Variants in TUT4 observed in about 807,000 individuals in gnomAD.
TUT4 encodes terminal uridylyltransferase 4.
A neutral mutation model predicts 192.2 loss-of-function variants in TUT4; 36 were observed. The observed-to-expected ratio is 0.19, with a 90% confidence interval of 0.14 to 0.25. The LOEUF (loss-of-function observed/expected upper bound fraction) is 0.25. Ranked by LOEUF, TUT4 falls within the 10% of genes least tolerant of loss-of-function variation. The pLI is 1.00. For synonymous variants in TUT4, 618 were observed against 666.0 expected (o/e 0.93, Z 1.11); for missense variants, 1,493 against 1,957.2 (o/e 0.76, Z 4.47).
At chr1:52,479,317 A>G (rs899325444) in intron 11 of TUT4, among the ~76,000 whole-genome samples, 4 of 152,160 alleles carry the variant, frequency 2.6e-5, no homozygotes, top group African/African-American at 4.8e-5. Flanking sequence ...GATCTGGCTT[A>G]AGTTTTAGAA....
chr1:52,504,220 T>C (rs1674906829), intron 4 of TUT4, among the ~76,000 whole-genome samples: 1 of 152,214 alleles, frequency 6.6e-6, no homozygotes, highest in Non-Finnish European at 1.5e-5. Context: ...CACTAACTAC[T>C]ACTTCAGGTC....
intron 1 of TUT4, among the ~76,000 whole-genome samples, chr1:52,536,972 T>A (rs1300573297): frequency 6.6e-6 from 1 of 152,110 alleles, no homozygotes; most frequent in East Asian, 1.9e-4. Context: ...GAGACCACCC[T>A]GGCTAACACG....
intron 1 of TUT4, among the ~76,000 whole-genome samples, chr1:52,548,421 T>A (rs768311576): frequency 6.6e-6 from 1 of 152,154 alleles, no homozygotes; most frequent in South Asian, 2.1e-4. Flanking sequence ...AGAATTTAAC[T>A]CTCTGTACAC....
At chr1:52,498,329 C>CT (rs376114367) in intron 4 of TUT4, among the ~76,000 whole-genome samples, 3 of 129,012 alleles carry the variant, frequency 2.3e-5, no homozygotes, top group African/African-American at 9.6e-5. Context: ...GCAGGCTCCG[C>CT]CCCCCCGGGG....
chr1:52,495,560 A>G (rs759807117), intron 5 of TUT4, 45 bp from the exon 6 acceptor site: 12 of 1,440,280 alleles, frequency 8.3e-6, no homozygotes, highest in Non-Finnish European at 1.2e-5. Context: ...GCATGCAAAT[A>G]TGAGAGATGT....
At chr1:52,433,875 G>A (rs1652904026) in intron 27 of TUT4, 1 of 152,204 alleles carries the variant, frequency 6.6e-6, no homozygotes, top group Admixed American at 6.5e-5. Context: ...TCTGTAGCAA[G>A]GGAAGGATGG....
At chr1:52,513,849 T>G (rs371284203) in intron 3 of TUT4, among the ~76,000 whole-genome samples, 3 of 152,134 alleles carry the variant, frequency 2.0e-5, no homozygotes, top group African/African-American at 7.2e-5. Context: ...TCATGGCACA[T>G]AAAAGGCACT....
chr1:52,508,554 A>G (rs957954969), intron 4 of TUT4, among the ~76,000 whole-genome samples: 1 of 152,154 alleles, frequency 6.6e-6, no homozygotes, highest in Non-Finnish European at 1.5e-5. Flanking sequence ...ATAACTAAAT[A>G]TGCCTTCTAG....
At chr1:52,448,796 T>C (rs1658410197) in intron 20 of TUT4, among the ~76,000 whole-genome samples, 1 of 152,180 alleles carries the variant, frequency 6.6e-6, no homozygotes, top group South Asian at 2.1e-4. Context: ...AAACTACCTC[T>C]TTAGAACCCT....
chr1:52,521,851 G>A (rs143565304), intron 2 of TUT4, among the ~76,000 whole-genome samples: 1,605 of 152,170 alleles, frequency 0.011, 28 homozygotes, highest in African/African-American at 0.036. Context: ...GTAAATCCCA[G>A]CTACTCAGGA....
chr1:52,436,697 C>G (rs1653894880), intron 26 of TUT4, 58 bp downstream of exon 26: 12 of 1,603,388 alleles, frequency 7.5e-6, no homozygotes, highest in Non-Finnish European at 1.0e-5. Context: ...ATTTAGCATG[C>G]AAGCAACATA....
At chr1:52,438,085 T>C in intron 25 of TUT4, 135 bp downstream of exon 25, 1 of 604,520 alleles carries the variant, frequency 1.7e-6, no homozygotes, top group South Asian at 2.6e-5. Flanking sequence ...AAAATTCCAC[T>C]CAAATGAACA....
intron 1 of TUT4, among the ~76,000 whole-genome samples, chr1:52,536,119 G>A (rs1417401029): frequency 6.6e-6 from 1 of 152,132 alleles, no homozygotes; most frequent in Non-Finnish European, 1.5e-5. Context: ...TGTAATTTTG[G>A]TAACTCTTGG....
Position 52,526,303 on chromosome 1 carries a change from C to G in TUT4, c.-23G>C. The G allele has an allele frequency of 6.8e-7, 1 of 1,461,750 alleles. No homozygotes were observed. Among genetic ancestry groups the G allele is most frequent in the Non-Finnish European group, 9.0e-7 (1 of 1,114,828 alleles). The allele number at this position is 1,461,750 out of a possible 1,614,324, so 90.5% of individuals were successfully genotyped here. On this transcript the variant is annotated 5_prime_UTR_variant, in exon 2 of 30. Transcript: ENST00000257177. ...CATTATTTGAAAATCTGTTTCTTTC[C>G]AATTGTGATATTATAAAATGGCAGA...
At chr1:52,440,572 G>A (rs1273123099) in intron 24 of TUT4, among the ~76,000 whole-genome samples, 1 of 151,468 alleles carries the variant, frequency 6.6e-6, no homozygotes, top group African/African-American at 2.4e-5. Context: ...AGATGCTTAA[G>A]ACAGAAACCT....
At chr1:52,503,802 TTTC>T in intron 4 of TUT4, among the ~76,000 whole-genome samples, 1 of 152,302 alleles carries the variant, frequency 6.6e-6, no homozygotes, top group Non-Finnish European at 1.5e-5. Context: ...CTCTAACACC[TTTC>T]TCTATTTTTC....
intron 2 of TUT4, among the ~76,000 whole-genome samples, chr1:52,523,815 T>G (rs1303930380): frequency 6.6e-6 from 1 of 152,202 alleles, no homozygotes; most frequent in Non-Finnish European, 1.5e-5. Flanking sequence ...AAAATTCTTT[T>G]AAGTCTGTCG....
At chr1:52,546,138 CATAAATAA>C (rs746375911) in intron 1 of TUT4, among the ~76,000 whole-genome samples, 1 of 151,876 alleles carries the variant, frequency 6.6e-6, no homozygotes, top group Non-Finnish European at 1.5e-5. Flanking sequence ...GATCTTGTCT[CATAAATAA>C]ATAAATAGAA....
chr1:52,537,966 C>A (rs1411790096), intron 1 of TUT4, among the ~76,000 whole-genome samples: 4 of 151,260 alleles, frequency 2.6e-5, no homozygotes, highest in African/African-American at 9.7e-5. Flanking sequence ...CTGGGCATGG[C>A]GGCTCATGCC....
Sources: gnomAD v4.1 joint callset for allele counts (sites outside exome capture counted in the v4.1 genomes callset) on GRCh38, gnomAD v4.1.1 for gene constraint, MANE v1.5 for transcripts, NCBI Gene and HGNC (gene_info 2026-07-23, HGNC 2026-07-21) for gene names.